The following DLGAP2 variants were observed in gnomAD, a reference collection of about 807,000 sequenced individuals.
DLGAP2 encodes disks large-associated protein 2.
Under a neutral mutation model 100.3 loss-of-function variants are expected in DLGAP2, and 26 were observed. The observed-to-expected ratio is 0.26, with a 90% CI of 0.19 to 0.36. The LOEUF (loss-of-function observed/expected upper bound fraction) is 0.36, where lower values mean the gene tolerates loss of function less well. DLGAP2 is among the 10% of genes least tolerant of loss of function. The pLI is 1.00. For synonymous variants in DLGAP2, 886 were observed against 630.1 expected, an observed-to-expected ratio of 1.41 and a Z score of -6.08; for missense variants, 1,858 against 1,453.2, an observed-to-expected ratio of 1.28 and a Z score of -4.53.
intron 2 of DLGAP2, among the ~76,000 whole-genome samples, chr8:1,225,136 T>G (rs1798388712): frequency 6.6e-6 from 1 of 152,230 alleles, no homozygotes; most frequent in African/African-American, 2.4e-5. Flanking sequence ...GGAGCGTCCA[T>G]GCTCACAGCA....
At chr8:1,250,068 A>G (rs763925599) in intron 2 of DLGAP2, among the ~76,000 whole-genome samples, 16 of 152,064 alleles carry the variant, frequency 1.1e-4, no homozygotes, top group South Asian at 2.1e-4. Flanking sequence ...TTTAGTAGAG[A>G]TGGGGTTTCA....
chr8:1,324,750 C>T (rs145814455), intron 3 of DLGAP2, among the ~76,000 whole-genome samples: 5 of 152,306 alleles, frequency 3.3e-5, no homozygotes, highest in African/African-American at 9.6e-5. Flanking sequence ...TGGGCAGGCA[C>T]GACTTCCATG....
intron 2 of DLGAP2, among the ~76,000 whole-genome samples, chr8:918,807 C>CA (rs1321959906): frequency 6.6e-6 from 1 of 152,182 alleles, no homozygotes; most frequent in African/African-American, 2.4e-5. Context: ...GAATTGAAGA[C>CA]AAACTGATAT....
chr8:1,426,204 C>A (rs1377989517), intron 3 of DLGAP2, among the ~76,000 whole-genome samples: 1 of 152,200 alleles, frequency 6.6e-6, no homozygotes, highest in Non-Finnish European at 1.5e-5. Flanking sequence ...CCAATACCCA[C>A]ATCAGCAAAT....
chr8:1,446,790 A>C (rs551651656), intron 3 of DLGAP2, among the ~76,000 whole-genome samples: 216 of 152,224 alleles, frequency 1.4e-3, no homozygotes, highest in African/African-American at 5.0e-3. Flanking sequence ...TTTAGTTCTC[A>C]TTAAAGAGGT....
intron 8 of DLGAP2, among the ~76,000 whole-genome samples, chr8:1,652,228 C>G (rs1204570351): frequency 6.6e-6 from 1 of 152,180 alleles, no homozygotes; most frequent in Non-Finnish European, 1.5e-5. Context: ...CGTGAAGATG[C>G]TAATGACATT....
intron 2 of DLGAP2, among the ~76,000 whole-genome samples, chr8:1,241,282 T>A (rs1182724276): frequency 6.6e-6 from 1 of 151,686 alleles, no homozygotes; most frequent in Admixed American, 6.6e-5. Flanking sequence ...TGGCTCCGTG[T>A]CTCATTCTCT....
intron 4 of DLGAP2, among the ~76,000 whole-genome samples, chr8:1,515,204 C>G (rs1563195647): frequency 6.6e-6 from 1 of 152,116 alleles, no homozygotes; most frequent in African/African-American, 2.4e-5. Context: ...TCTTTTGCAG[C>G]CGATGAGCAC....
rs954714065 is a variant in DLGAP2 at position 1,702,946 on chromosome 8, T to G, written c.*1540T>G. 5 of 152,778 alleles carry G rather than the reference T, an allele frequency of 3.3e-5. No homozygotes were observed. In the South Asian group the frequency reaches 6.2e-4, roughly 19 times the overall value. The allele number at this position is 152,778 out of a possible 1,614,324, so 9.5% of individuals were successfully genotyped here. ...GGCAGAATAGCTTTCGATGACCCCA[T>G]AGCACTTTGTTTCTTCGCCTTGATT... On this transcript the variant is annotated 3_prime_UTR_variant, in exon 15 of 15. Coordinates refer to ENST00000637795, the MANE Select transcript of DLGAP2 (RefSeq NM_001346810.2).
chr8:976,338 G>C (rs73538106), intron 2 of DLGAP2, among the ~76,000 whole-genome samples: 1 of 152,034 alleles, frequency 6.6e-6, no homozygotes, highest in African/African-American at 2.4e-5. Context: ...CAGGCCGGGC[G>C]TGATGGTTCA....
At chr8:1,640,926 A>G (rs1187173027) in intron 8 of DLGAP2, among the ~76,000 whole-genome samples, 6 of 152,220 alleles carry the variant, frequency 3.9e-5, no homozygotes, top group African/African-American at 7.2e-5. Flanking sequence ...CGCTAAGCCT[A>G]TAGGATGAGT....
chr8:1,072,542 G>A (rs768197962), intron 2 of DLGAP2, among the ~76,000 whole-genome samples: 2 of 152,186 alleles, frequency 1.3e-5, no homozygotes, highest in African/African-American at 2.4e-5. Context: ...CCGCGGTAGT[G>A]CAGGCACCTG....
At chr8:1,658,431 G>C (rs13268910) in intron 8 of DLGAP2, among the ~76,000 whole-genome samples, 25,309 of 152,108 alleles carry the variant, frequency 0.17, 2,250 homozygotes, top group South Asian at 0.3. Flanking sequence ...TACATGTGCA[G>C]AACGTGCAGT....
chr8:1,155,917 C>G (rs1796775244), intron 2 of DLGAP2, among the ~76,000 whole-genome samples: 1 of 152,172 alleles, frequency 6.6e-6, no homozygotes, highest in Non-Finnish European at 1.5e-5. Context: ...ATGCAGAGGC[C>G]GAGGGAGCTT....
At chr8:1,158,274 G>T (rs1293590949) in intron 2 of DLGAP2, among the ~76,000 whole-genome samples, 2 of 152,156 alleles carry the variant, frequency 1.3e-5, no homozygotes, top group Non-Finnish European at 2.9e-5. Context: ...TGCCATTATG[G>T]TGCATTATAC....
chr8:949,402 C>CGCCCAGGAGTGAATGCGG (rs1402668232), intron 2 of DLGAP2, among the ~76,000 whole-genome samples: 3 of 152,274 alleles, frequency 2.0e-5, no homozygotes, highest in African/African-American at 7.2e-5. Flanking sequence ...TGGCTGGGGC[C>CGCCCAGGAGTGAATGCGG]GCCCAGGAGT....
intron 2 of DLGAP2, among the ~76,000 whole-genome samples, chr8:1,252,967 G>A (rs1010205927): frequency 6.6e-6 from 1 of 152,218 alleles, no homozygotes; most frequent in Admixed American, 6.5e-5. Flanking sequence ...TGTCACAGCA[G>A]CCCAGTGCTG....
chr8:1,120,808 G>A (rs556875612), intron 2 of DLGAP2, among the ~76,000 whole-genome samples: 87 of 150,720 alleles, frequency 5.8e-4, no homozygotes, highest in Non-Finnish European at 2.7e-4. Context: ...AGAACCCCTC[G>A]TCTCCCATCC....
chr8:1,548,543 C>T (rs1373651732), intron 4 of DLGAP2, 83 bp from the exon 5 acceptor site: 2 of 1,257,266 alleles, frequency 1.6e-6, no homozygotes, highest in East Asian at 2.8e-5. Context: ...TAATGAAGTC[C>T]ACGGTGGGGG....
Sources: allele counts gnomAD v4.1 joint callset (sites outside exome capture counted in the v4.1 genomes callset), GRCh38; gene constraint gnomAD v4.1.1; transcripts MANE v1.5; gene names NCBI Gene and HGNC (gene_info 2026-07-23, HGNC 2026-07-21).